The following MEI4 variants were observed in gnomAD, a reference collection of about 807,000 sequenced individuals.
The protein encoded by MEI4 is meiotic double-stranded break formation protein 4.
In MEI4, 27 loss-of-function variants were observed where a neutral mutation model predicts 31.4. The ratio of observed to expected loss-of-function variants is 0.86; its 90% CI spans 0.63 to 1.19. The LOEUF is 1.19. Among genes scored for constraint, MEI4 ranks in the 50% most tolerant of loss-of-function variants. The pLI is 0.00. For synonymous variants in MEI4, 122 were observed against 145.4 expected (o/e 0.84, Z 1.16); for missense variants, 329 against 398.9 (o/e 0.82, Z 1.49).
chr6:77,798,045 TAAAAC>T lies in MEI4; in HGVS notation c.769-30885_769-30881del, dbSNP rs923225409. 7.2e-5 allele frequency among the ~76,000 whole-genome samples: 11 copies of T among 152,256 alleles called. No individual in the cohort carries two copies. The East Asian group carries it at 9.7e-4, about 13-fold the overall frequency. On this transcript the variant is annotated intron_variant, in intron 3 of 4. Transcript: ENST00000684080. ...AATAATAATAGTAAAAGATAGGAAA[TAAAAC>T]TAAACTAGAATAAGTTTGCTTTATT...
chr6:77,692,079 C>G (rs1408070635), intron 2 of MEI4, among the ~76,000 whole-genome samples: 1 of 152,018 alleles, frequency 6.6e-6, no homozygotes, highest in Non-Finnish European at 1.5e-5. Flanking sequence ...TACACTCTCC[C>G]CATTATCAGC....
chr6:77,700,733 G>A (rs1218112206), intron 2 of MEI4, among the ~76,000 whole-genome samples: 2 of 152,140 alleles, frequency 1.3e-5, no homozygotes, highest in Non-Finnish European at 2.9e-5. Flanking sequence ...GGCCATCTTG[G>A]CTCCACCCTG....
intron 3 of MEI4, among the ~76,000 whole-genome samples, chr6:77,784,104 C>A (rs1187582569): frequency 2.0e-5 from 3 of 152,044 alleles, no homozygotes; most frequent in Non-Finnish European, 4.4e-5. Flanking sequence ...ATGCATGAAT[C>A]CCAGCCAGAC....
intron 1 of MEI4, among the ~76,000 whole-genome samples, chr6:77,684,180 AT>A (rs1250608075): frequency 3.4e-5 from 4 of 117,334 alleles, no homozygotes; most frequent in Non-Finnish European, 5.2e-5. Flanking sequence ...TCTTTTGAGA[AT>A]TTTTTATTCA....
chr6:77,741,559 C>A (rs750228188), intron 2 of MEI4, among the ~76,000 whole-genome samples: 1 of 152,076 alleles, frequency 6.6e-6, no homozygotes, highest in Admixed American at 6.6e-5. Context: ...TTTATATGTC[C>A]ACTTGATGGG....
intron 4 of MEI4, among the ~76,000 whole-genome samples, chr6:77,883,523 G>C (rs188169537): frequency 6.1e-4 from 92 of 150,946 alleles, no homozygotes; most frequent in Admixed American, 3.0e-3. Flanking sequence ...TTTTTAGCTC[G>C]CACATATAAG....
rs143540431 is a variant in MEI4 at position 77,737,690 on chromosome 6, A to G, written c.233-23440A>G. ...TGGGAGTGGGAGTGAGGAGAGCATC[A>G]CAGGCAGAGGGAAGGTTTAATGCAA... On this transcript the variant is annotated intron_variant, in intron 2 of 4. Transcript: ENST00000684080. Among the ~76,000 whole-genome samples, 212 of 152,318 alleles carry G rather than the reference A, an allele frequency of 1.4e-3. 1 individual carries two copies. The highest frequency in any genetic ancestry group is 4.5e-3 in the African/African-American group (186 of 41,580).
chr6:77,705,654 A>T (rs1302854398), intron 2 of MEI4, among the ~76,000 whole-genome samples: 3 of 152,208 alleles, frequency 2.0e-5, no homozygotes, highest in Non-Finnish European at 2.9e-5. Flanking sequence ...TGTATGTGGG[A>T]TCCACATTGG....
chr6:77,746,985 T>A (rs1260739949), intron 2 of MEI4, among the ~76,000 whole-genome samples: 1 of 152,162 alleles, frequency 6.6e-6, no homozygotes, highest in Non-Finnish European at 1.5e-5. Context: ...TTTGGTTCTA[T>A]GAGTGTATTA....
At chr6:77,909,386 A>G (rs1766377604) in intron 4 of MEI4, among the ~76,000 whole-genome samples, 1 of 152,166 alleles carries the variant, frequency 6.6e-6, no homozygotes, top group Non-Finnish European at 1.5e-5. Flanking sequence ...ATCACCACCG[A>G]TCCCACAGAA....
chr6:77,778,526 C>A lies in MEI4; in HGVS notation c.768+16861C>A, dbSNP rs143052318. On this transcript the variant is annotated intron_variant, in intron 3 of 4. Transcript: ENST00000684080. ...GACCAGTCTGGACAACATGGAGAAG[C>A]CCTGTCTCTACTAAAAATACAAAAA... 5.9e-3 allele frequency among the ~76,000 whole-genome samples: 893 copies of A among 151,910 alleles called. 11 individuals are homozygous for A. Among genetic ancestry groups the A allele is most frequent in the African/African-American group, 0.021 (858 of 41,418 alleles).
At chr6:77,737,095 A>T (rs564527259) in intron 2 of MEI4, among the ~76,000 whole-genome samples, 124 of 152,342 alleles carry the variant, frequency 8.1e-4, no homozygotes, top group African/African-American at 2.9e-3. Flanking sequence ...AGTGGAAAAC[A>T]TGCTGCATTC....
At chr6:77,671,169 G>A (rs1768732541) in intron 1 of MEI4, among the ~76,000 whole-genome samples, 1 of 147,452 alleles carries the variant, frequency 6.8e-6, no homozygotes, top group Non-Finnish European at 1.5e-5. Flanking sequence ...CAATTCTCAT[G>A]CCTTAGCCTC....
At chr6:77,802,118 G>C (rs1435504511) in intron 3 of MEI4, among the ~76,000 whole-genome samples, 4 of 152,204 alleles carry the variant, frequency 2.6e-5, no homozygotes, top group African/African-American at 9.6e-5. Context: ...TCTCTTTGTA[G>C]GTCTCTAAGG....
intron 3 of MEI4, among the ~76,000 whole-genome samples, chr6:77,788,931 A>G (rs1768832933): frequency 6.6e-6 from 1 of 152,202 alleles, no homozygotes; most frequent in African/African-American, 2.4e-5. Context: ...ACCAAAAAAG[A>G]GCCCCTATTG....
In MEI4 at chr6:77,915,486, G is replaced by C. The variant is rs554052349; in HGVS notation, c.901-7603G>C. 4.8e-4 allele frequency among the ~76,000 whole-genome samples: 73 copies of C among 152,044 alleles called. 1 individual carries two copies. Among genetic ancestry groups the C allele is most frequent in the South Asian group, 1.7e-3 (8 of 4,806 alleles). ...TTCTCTCCTGTCCTGTAAGGTTTCTGCTTAGAAATCCACTGTTCATATGGT... is the reference window on the plus strand; with the variant it reads ...TTCTCTCCTGTCCTGTAAGGTTTCTCCTTAGAAATCCACTGTTCATATGGT... On this transcript the variant is annotated intron_variant, in intron 4 of 4. Transcript: ENST00000684080.
At chr6:77,684,154 T>A (rs1769008902) in intron 1 of MEI4, among the ~76,000 whole-genome samples, 1 of 151,786 alleles carries the variant, frequency 6.6e-6, no homozygotes, top group Non-Finnish European at 1.5e-5. Flanking sequence ...TACACCTGTT[T>A]GTTATTCATA....
At chr6:77,873,118 A>G (rs1251294265) in intron 4 of MEI4, among the ~76,000 whole-genome samples, 2 of 152,136 alleles carry the variant, frequency 1.3e-5, no homozygotes, top group Non-Finnish European at 2.9e-5. Context: ...TGATTTATAC[A>G]GTAATGGGAT....
chr6:77,827,297 CT>C (rs1769977847), intron 3 of MEI4, among the ~76,000 whole-genome samples: 1 of 140,242 alleles, frequency 7.1e-6, no homozygotes, highest in Admixed American at 7.7e-5. Flanking sequence ...GAAGGCAGAG[CT>C]TGCAGTGAGT....
Sources: gnomAD v4.1 joint callset for allele counts (sites outside exome capture counted in the v4.1 genomes callset) on GRCh38, gnomAD v4.1.1 for gene constraint, MANE v1.5 for transcripts, NCBI Gene and HGNC (gene_info 2026-07-23, HGNC 2026-07-21) for gene names.